Variants in MCF2L2 observed in about 807,000 individuals in gnomAD.
The protein encoded by MCF2L2 is probable guanine nucleotide exchange factor MCF2L2.
A neutral mutation model predicts 150.2 loss-of-function variants in MCF2L2; 102 were observed. That is an observed-to-expected ratio of 0.68 (90% CI 0.58 to 0.80). MCF2L2 has a LOEUF of 0.80. Among genes scored for constraint, MCF2L2 ranks in the 30% least tolerant of loss-of-function variants. The pLI, the probability that MCF2L2 is intolerant of heterozygous loss-of-function variation, is 0.00. For synonymous variants in MCF2L2, 465 were observed against 491.3 expected, an observed-to-expected ratio of 0.95 and a Z score of 0.71; for missense variants, 1,256 against 1,372.8, an observed-to-expected ratio of 0.91 and a Z score of 1.34.
At chr3:183,284,724 T>C (rs1050352566) in intron 14 of MCF2L2, among the ~76,000 whole-genome samples, 2 of 151,654 alleles carry the variant, frequency 1.3e-5, no homozygotes, top group African/African-American at 4.8e-5. Context: ...AAAATTTAGA[T>C]TCCAGGACCC....
intron 14 of MCF2L2, among the ~76,000 whole-genome samples, chr3:183,286,206 GGTGA>G (rs1727784072): frequency 6.6e-6 from 1 of 152,122 alleles, no homozygotes; most frequent in Non-Finnish European, 1.5e-5. Flanking sequence ...AGCTGTAGGT[GGTGA>G]GTATCAGTGA....
Position 183,179,725 on chromosome 3 carries a change from T to A in MCF2L2, c.3106-33A>T, listed in dbSNP as rs1485737892. 1 of 1,579,656 alleles carries A rather than the reference T, an allele frequency of 6.3e-7. No homozygotes were observed. The highest frequency in any genetic ancestry group is 8.7e-7 in the Non-Finnish European group (1 of 1,150,222). On this transcript the variant is annotated intron_variant, in intron 28 of 29. Transcript: ENST00000328913. The surrounding 1 kb of genome is among the most constrained non-coding windows in gnomAD (Gnocchi z 4.2). ...GGAGGGGACGGGTGCACCCTCAGAG[T>A]TATTGCTGGAGGCTGTGGCCAGACC...
chr3:183,257,658 A>G (rs1012817202), intron 15 of MCF2L2, among the ~76,000 whole-genome samples: 1 of 152,170 alleles, frequency 6.6e-6, no homozygotes, highest in African/African-American at 2.4e-5. Context: ...CCCTCTATCA[A>G]GTGTTGCTTC....
chr3:183,391,216 T>G (rs1714126269), intron 1 of MCF2L2, among the ~76,000 whole-genome samples: 1 of 152,136 alleles, frequency 6.6e-6, no homozygotes, highest in African/African-American at 2.4e-5. Flanking sequence ...GTTATATCCC[T>G]TGTTCTGAAC....
At chr3:183,405,811 C>T (rs1715013286) in intron 1 of MCF2L2, among the ~76,000 whole-genome samples, 2 of 152,142 alleles carry the variant, frequency 1.3e-5, no homozygotes, top group African/African-American at 4.8e-5. Context: ...CGCCTCCCGA[C>T]TTCAAGCAAT....
intron 15 of MCF2L2, among the ~76,000 whole-genome samples, chr3:183,244,548 C>A (rs910462418): frequency 6.6e-6 from 1 of 152,118 alleles, no homozygotes; most frequent in Non-Finnish European, 1.5e-5. Flanking sequence ...TTAGAGAACA[C>A]TGACTAATGC....
chr3:183,194,285 A>G (rs949503877), intron 26 of MCF2L2, among the ~76,000 whole-genome samples: 1 of 152,176 alleles, frequency 6.6e-6, no homozygotes, highest in Non-Finnish European at 1.5e-5. Context: ...TTTTCAACAA[A>G]CATATATTGA....
intron 27 of MCF2L2, among the ~76,000 whole-genome samples, chr3:183,183,585 T>TC (rs1721599194): frequency 6.6e-6 from 1 of 152,224 alleles, no homozygotes; most frequent in Non-Finnish European, 1.5e-5. Flanking sequence ...CTTGGATACA[T>TC]CACTTAACCT....
At chr3:183,249,748 G>A (rs1324442525) in intron 15 of MCF2L2, among the ~76,000 whole-genome samples, 1 of 152,220 alleles carries the variant, frequency 6.6e-6, no homozygotes. Context: ...GTCAGCTTTT[G>A]GGCCTTGGTG....
intron 15 of MCF2L2, among the ~76,000 whole-genome samples, chr3:183,252,964 A>C (rs1402493185): frequency 1.3e-5 from 2 of 152,214 alleles, no homozygotes; most frequent in African/African-American, 2.4e-5. Context: ...TACCTGCATG[A>C]AGTATTCTAA....
chr3:183,267,251 C>T lies in MCF2L2; in HGVS notation c.1862+9621G>A, dbSNP rs1056779699. Among the ~76,000 whole-genome samples the T allele has an allele frequency of 6.6e-6, 1 of 152,118 alleles. No individual in the cohort carries two copies. The highest frequency in any genetic ancestry group is 2.1e-4 in the South Asian group (1 of 4,834). On this transcript the variant is annotated intron_variant, in intron 15 of 29. Coordinates refer to ENST00000328913, the MANE Select transcript of MCF2L2 (RefSeq NM_015078.4). This position sits in a 1 kb window ranked among gnomAD's most constrained non-coding sequence, Gnocchi z 5.5. ...GCTGGTTGTGGCTTCCTAAGTGGTG[C>T]GTGCAGTTTTCAAATCAATGCCCTT...
At chr3:183,420,016 G>T (rs1391873302) in intron 1 of MCF2L2, among the ~76,000 whole-genome samples, 2 of 152,230 alleles carry the variant, frequency 1.3e-5, no homozygotes, top group East Asian at 3.8e-4. Flanking sequence ...TATAGCATGA[G>T]TGACCTTTAC....
chr3:183,402,929 T>TA lies in MCF2L2; in HGVS notation c.77-13151dup, dbSNP rs35143006. Among the ~76,000 whole-genome samples, 41 of 148,358 alleles carry TA rather than the reference T, an allele frequency of 2.8e-4. 1 individual carries two copies. In the East Asian group the frequency reaches 4.2e-3, roughly 15 times the overall value. Reference sequence around the variant, plus strand: ...AAAAATAAAACCACTAAAAGATACTTAAAAAAAAAACACTTGATGATTATT... The same window carrying TA: ...AAAAATAAAACCACTAAAAGATACTTAAAAAAAAAAACACTTGATGATTATT... On this transcript the variant is annotated intron_variant, in intron 1 of 29. Transcript: ENST00000328913.
At chr3:183,223,218 G>T in intron 20 of MCF2L2, 128 bp downstream of exon 20, 1 of 642,234 alleles carries the variant, frequency 1.6e-6, no homozygotes, top group Non-Finnish European at 2.7e-6. Flanking sequence ...GAAAGAAAAA[G>T]CCTGCAGGAT....
intron 13 of MCF2L2, among the ~76,000 whole-genome samples, chr3:183,289,446 G>GA (rs1727995004): frequency 6.6e-6 from 1 of 152,136 alleles, no homozygotes; most frequent in Non-Finnish European, 1.5e-5. Flanking sequence ...CAGCAGAAGA[G>GA]AAAAAAGTCA....
At chr3:183,225,686 GC>G (rs1723317899) in intron 18 of MCF2L2, 1 of 152,176 alleles carries the variant, frequency 6.6e-6, no homozygotes, top group Non-Finnish European at 1.5e-5. Context: ...TGTTAAGTGG[GC>G]CCATAACAGT....
intron 25 of MCF2L2, among the ~76,000 whole-genome samples, chr3:183,198,432 G>A (rs919372810): frequency 3.3e-5 from 5 of 151,578 alleles, no homozygotes; most frequent in African/African-American, 1.2e-4. Context: ...GGGTGGGTGA[G>A]GGAGGGGCAG....
chr3:183,310,905 A>G lies in MCF2L2; in HGVS notation c.993+10T>C. ...AGAAAAGAAAGTTACAGTAAACAAGAAAAGAATACCTTACAAAAATCGTGC... is the reference window on the plus strand; with the variant it reads ...AGAAAAGAAAGTTACAGTAAACAAGGAAAGAATACCTTACAAAAATCGTGC... On this transcript the variant is annotated intron_variant, in intron 9 of 29. Coordinates refer to ENST00000328913, the MANE Select transcript of MCF2L2 (RefSeq NM_015078.4). The G allele has an allele frequency of 1.3e-6, 2 of 1,595,926 alleles. No homozygotes were observed. The highest frequency in any genetic ancestry group is 1.7e-6 in the Non-Finnish European group (2 of 1,164,632).
chr3:183,205,735 T>G, intron 25 of MCF2L2, 141 bp downstream of exon 25: 3 of 640,098 alleles, frequency 4.7e-6, no homozygotes, highest in East Asian at 2.8e-5. Flanking sequence ...CAAGCATAGG[T>G]GCTTCCAGGG....
Sources: gnomAD v4.1 joint callset for allele counts (sites outside exome capture counted in the v4.1 genomes callset) on GRCh38, gnomAD v4.1.1 for gene constraint, Gnocchi (gnomAD v3.1) non-coding constraint, MANE v1.5 for transcripts, NCBI Gene and HGNC (gene_info 2026-07-23, HGNC 2026-07-21) for gene names.